Variants in KIAA1549L observed in about 807,000 individuals in gnomAD.
The protein encoded by KIAA1549L is UPF0606 protein KIAA1549L.
In KIAA1549L, 88 loss-of-function variants were observed where a neutral mutation model predicts 160.7. The observed-to-expected ratio is 0.55, with a 90% CI of 0.46 to 0.65. The LOEUF (loss-of-function observed/expected upper bound fraction) is 0.65, where lower values mean the gene tolerates loss of function less well. Ranked by LOEUF, KIAA1549L falls within the 30% of genes least tolerant of loss-of-function variation. The pLI is 0.00. For synonymous variants in KIAA1549L, 950 were observed against 976.7 expected (o/e 0.97, Z 0.51); for missense variants, 2,258 against 2,437.5 (o/e 0.93, Z 1.55).
intron 14 of KIAA1549L, 101 bp downstream of exon 14, chr11:33,606,923 G>C (rs1315171796): frequency 1.1e-6 from 1 of 951,578 alleles, no homozygotes; most frequent in Non-Finnish European, 1.5e-6. Context: ...ATTGCACCTA[G>C]GGCCGTATAG....
At chr11:33,643,040 A>G (rs1851628687) in intron 16 of KIAA1549L, among the ~76,000 whole-genome samples, 1 of 152,142 alleles carries the variant, frequency 6.6e-6, no homozygotes, top group Admixed American at 6.6e-5. Flanking sequence ...AATGAGAGCT[A>G]GTCTTGTTTC....
intron 1 of KIAA1549L, among the ~76,000 whole-genome samples, chr11:33,421,787 ACCAG>A (rs1851017282): frequency 6.6e-6 from 1 of 152,136 alleles, no homozygotes; most frequent in South Asian, 2.1e-4. Flanking sequence ...ATACATCAGT[ACCAG>A]TGTGAACTCA....
chr11:33,432,732 A>G (rs1851275615), intron 1 of KIAA1549L, among the ~76,000 whole-genome samples: 1 of 152,250 alleles, frequency 6.6e-6, no homozygotes, highest in Admixed American at 6.5e-5. Context: ...GTACCAAAAG[A>G]GACATATAGA....
At position 33,541,987 on chromosome 11, in the gene KIAA1549L, G is replaced by T. The variant is rs1854034531; in HGVS notation, c.424G>T (p.Ala142Ser). The T allele has an allele frequency of 2.4e-6, 1 of 417,022 alleles. No homozygotes were observed. The highest frequency in any genetic ancestry group is 5.0e-6 in the Non-Finnish European group (1 of 200,884). The allele number at this position is 417,022 out of a possible 1,614,324, so 25.8% of individuals were successfully genotyped here. Residue 142 changes from alanine to serine, a missense_variant, in exon 2 of 21, where the codon GCG (alanine) becomes TCG (serine). This residue lies in a region of KIAA1549L where 540 missense variants were observed against 465.7 expected (regional missense o/e 1.16). Coordinates refer to ENST00000658780, the MANE Select transcript of KIAA1549L (RefSeq NM_012194.3). ...TSLPQSARTP[A>S]SKTHHRTRAH... ...CTTGCCACAGTCAGCCCGAACCCCT[G>T]CGTCCAAGACACACCACAGAACTAG...
rs766107698 is a variant in KIAA1549L, at chr11:33,609,953, G to C, written c.5266G>C (p.Glu1756Gln). 3.1e-6 allele frequency: 5 copies of C among 1,613,494 alleles called. No individual in the cohort carries two copies. Among genetic ancestry groups the C allele is most frequent in the Admixed American group, 3.3e-5 (2 of 60,004 alleles). ...PDSELCAPFT[E>Q]SKNRQQMKNS... ...TTCAGAACTCTGTGCTCCATTCACC[G>C]AGTCTAAAAACAGGTGCAGTCTCTA... The change falls in exon 15 of 21, where the codon GAG (glutamate) becomes CAG (glutamine). Residue 1756 changes from glutamate to glutamine, a missense_variant. Glu to Gln is a conservative substitution (Grantham distance 29). This residue lies in a region of KIAA1549L where 1,359 missense variants were observed against 1,546.6 expected (regional missense o/e 0.88). Coordinates refer to ENST00000658780, the MANE Select transcript of KIAA1549L (RefSeq NM_012194.3).
chr11:33,652,996 A>G (rs892923243), intron 17 of KIAA1549L, among the ~76,000 whole-genome samples: 5 of 152,260 alleles, frequency 3.3e-5, no homozygotes, highest in Non-Finnish European at 7.3e-5. Flanking sequence ...TCACAAGGAA[A>G]GCAAAACAAA....
At position 33,663,628 on chromosome 11, in the gene KIAA1549L, T is replaced by C. The variant is rs139632286; in HGVS notation, c.6159+2614T>C. 7.1e-3 allele frequency among the ~76,000 whole-genome samples: 1,082 copies of C among 152,234 alleles called. 4 individuals carry two copies. The highest frequency in any genetic ancestry group is 0.012 in the Non-Finnish European group (821 of 68,010). On this transcript the variant is annotated intron_variant, in intron 20 of 20. Transcript: ENST00000658780. ...CCACAGCAAGTACAGTTAGCTGAAT[T>C]TGAAATGCAGGGAAAGGGAATGTGG...
intron 1 of KIAA1549L, among the ~76,000 whole-genome samples, chr11:33,467,268 G>T (rs1232618006): frequency 1.3e-5 from 2 of 152,186 alleles, no homozygotes; most frequent in Non-Finnish European, 2.9e-5. Context: ...GGGAAAGGCA[G>T]TCTACAATGT....
intron 16 of KIAA1549L, among the ~76,000 whole-genome samples, chr11:33,624,770 TA>T (rs1248966936): frequency 6.6e-6 from 1 of 151,732 alleles, no homozygotes; most frequent in African/African-American, 2.4e-5. Flanking sequence ...TTTTTATTAT[TA>T]TTATACTTTA....
At chr11:33,504,213 A>G (rs1853024804) in intron 1 of KIAA1549L, among the ~76,000 whole-genome samples, 1 of 152,022 alleles carries the variant, frequency 6.6e-6, no homozygotes, top group African/African-American at 2.4e-5. Context: ...GTGAGCTGAG[A>G]TTGCGCTACT....
chr11:33,441,323 T>A (rs533806035), intron 1 of KIAA1549L, among the ~76,000 whole-genome samples: 1 of 152,100 alleles, frequency 6.6e-6, no homozygotes, highest in African/African-American at 2.4e-5. Context: ...TCTATCATTG[T>A]TGGACATTTG....
chr11:33,478,618 C>T (rs1852343473), intron 1 of KIAA1549L, among the ~76,000 whole-genome samples: 2 of 152,194 alleles, frequency 1.3e-5, no homozygotes, highest in Admixed American at 1.3e-4. Flanking sequence ...TTCATGTAAA[C>T]AGTAAGCCAT....
chr11:33,401,212 A>G lies in KIAA1549L; in HGVS notation c.238+24323A>G, dbSNP rs563581164. On this transcript the variant is annotated intron_variant, in intron 1 of 20. Coordinates refer to ENST00000658780, the MANE Select transcript of KIAA1549L (RefSeq NM_012194.3). ...TTATATATATATATATGTAAAATAT[A>G]TCTCATATGATATGTATTATATATT... Among the ~76,000 whole-genome samples the G allele has an allele frequency of 2.1e-3, 307 of 148,134 alleles. 1 individual carries two copies. The highest frequency in any genetic ancestry group is 7.2e-3 in the African/African-American group (292 of 40,778).
chr11:33,649,877 GGAAA>G (rs1214099772), intron 17 of KIAA1549L, among the ~76,000 whole-genome samples: 9 of 140,566 alleles, frequency 6.4e-5, no homozygotes, highest in African/African-American at 2.2e-4. Flanking sequence ...AAAAAAAAAA[GGAAA>G]GAAAGAAAAA....
At chr11:33,525,449 T>C (rs145206919) in intron 1 of KIAA1549L, among the ~76,000 whole-genome samples, 3 of 152,302 alleles carry the variant, frequency 2.0e-5, no homozygotes, top group Non-Finnish European at 2.9e-5. Flanking sequence ...AGGGAAAGCA[T>C]TCCTGGCCTT....
chr11:33,546,366 A>G (rs1456361261), intron 3 of KIAA1549L, among the ~76,000 whole-genome samples: 1 of 152,148 alleles, frequency 6.6e-6, no homozygotes, highest in East Asian at 1.9e-4. Flanking sequence ...TCTGGGTGGC[A>G]GGCAGCCCTG....
chr11:33,437,540 A>G (rs994279223), intron 1 of KIAA1549L, among the ~76,000 whole-genome samples: 2 of 152,190 alleles, frequency 1.3e-5, no homozygotes, highest in African/African-American at 4.8e-5. Context: ...CTGAACATTT[A>G]TTCATTTTTA....
chr11:33,673,034 G>A lies in KIAA1549L; in HGVS notation c.*4880G>A, dbSNP rs575048862. Reference sequence around the variant, plus strand: ...AACTTAGTGTCCTGAGAATTGAAAGGCCTCTTGATTTCTTAGGTGAACTGT... The same window carrying A: ...AACTTAGTGTCCTGAGAATTGAAAGACCTCTTGATTTCTTAGGTGAACTGT... On this transcript the variant is annotated 3_prime_UTR_variant, in exon 21 of 21. Transcript: ENST00000658780. 1 of 152,218 alleles carries A rather than the reference G, an allele frequency of 6.6e-6. No homozygotes were observed. The highest frequency in any genetic ancestry group is 1.9e-4 in the East Asian group (1 of 5,186). 9.4% of individuals were successfully genotyped at this position (152,218 alleles called of 1,614,324 possible).
At chr11:33,580,116 C>T (rs1855585098) in intron 10 of KIAA1549L, among the ~76,000 whole-genome samples, 1 of 152,206 alleles carries the variant, frequency 6.6e-6, no homozygotes, top group Non-Finnish European at 1.5e-5. Context: ...CAGCATTTGA[C>T]TTAGGCAGCT....
Sources: gnomAD v4.1 joint callset for allele counts (sites outside exome capture counted in the v4.1 genomes callset) on GRCh38, gnomAD v4.1.1 for gene constraint, gnomAD v4.1.1 regional missense constraint, MANE v1.5 for transcripts, NCBI Gene and HGNC (gene_info 2026-07-23, HGNC 2026-07-21) for gene names.